The following DMPK variants were observed in gnomAD, a reference collection of about 807,000 sequenced individuals.
DMPK encodes DM1 protein kinase.
Under a neutral mutation model 70.3 loss-of-function variants are expected in DMPK, and 32 were observed. That is an observed-to-expected ratio of 0.46 (90% CI 0.34 to 0.61). DMPK has a LOEUF of 0.61. Among genes scored for constraint, DMPK ranks in the 20% least tolerant of loss-of-function variants. DMPK has a pLI of 0.01. For missense variants in DMPK, 899 were observed against 886.0 expected, an observed-to-expected ratio of 1.01 and a Z score of -0.19; for synonymous variants, 469 against 390.9, an observed-to-expected ratio of 1.20 and a Z score of -2.36.
In DMPK at chr19:45,779,236, T is replaced by C. The variant is rs766435666; in HGVS notation, c.432+28A>G. ...GTGACAGCACGGGCTCTTGTCCCTC[T>C]TCCTAGTCACCCCGGCCCGGAGCTC... On this transcript the variant is annotated intron_variant, in intron 4 of 14. Coordinates refer to ENST00000291270, the MANE Select transcript of DMPK (RefSeq NM_004409.5). The C allele has an allele frequency of 3.7e-6, 6 of 1,609,746 alleles. No individual in the cohort carries two copies. In the East Asian group the frequency reaches 8.9e-5, roughly 24 times the overall value.
At chr19:45,779,165 G>A in intron 4 of DMPK, 99 bp downstream of exon 4, 2 of 1,250,240 alleles carry the variant, frequency 1.6e-6, no homozygotes. Context: ...ACGTTTCCGG[G>A]CAGCACCCCC....
rs1250540145 is a variant in DMPK at position 45,771,908 on chromosome 19, C to T, written c.1365G>A (p.Ala455=). 3 of 1,595,876 alleles carry T rather than the reference C, an allele frequency of 1.9e-6. No homozygotes were observed. The highest frequency in any genetic ancestry group is 3.4e-5 in the Admixed American group (2 of 58,166). The change falls in exon 11 of 15, where the codon GCG becomes GCA. Residue 455 remains alanine, a synonymous_variant. Transcript: ENST00000291270. ...QDETAEVAVP[A]AVPAAEAEAE... is the part of the protein sequence containing the mutation. ...CCTCAGCCTCTGCCGCAGGGACAGC[C>T]GCTGGAACTGCCACTTCAGCCTGTG...
At chr19:45,779,723 C>G in intron 2 of DMPK, 55 bp downstream of exon 2, 3 of 1,346,748 alleles carry the variant, frequency 2.2e-6, no homozygotes, top group Middle Eastern at 2.8e-4. Flanking sequence ...CCCGCCCCAA[C>G]CCCTATGCCC....
intron 1 of DMPK, among the ~76,000 whole-genome samples, chr19:45,781,505 C>G (rs879470045): frequency 6.6e-6 from 1 of 151,360 alleles, no homozygotes; most frequent in Non-Finnish European, 1.5e-5. Context: ...CTGACCCACA[C>G]GGCTCATAGG....
chr19:45,772,552 G>A (rs1969526125), intron 10 of DMPK, 89 bp downstream of exon 10: 3 of 756,760 alleles, frequency 4.0e-6, no homozygotes, highest in Non-Finnish European at 6.3e-6. Context: ...GAAGTCCCTA[G>A]AGGGCTCTAC....
rs371791113 is a variant in DMPK at position 45,777,292 on chromosome 19, G to T, written c.1146+35C>A. The T allele has an allele frequency of 6.5e-7, 1 of 1,528,636 alleles. No individual in the cohort carries two copies. The highest frequency in any genetic ancestry group is 1.4e-5 in the African/African-American group (1 of 72,266). 94.7% of individuals were successfully genotyped at this position (1,528,636 alleles called of 1,614,324 possible). On this transcript the variant is annotated intron_variant, in intron 8 of 14. Transcript: ENST00000291270. The surrounding 1 kb of genome is among the most constrained non-coding windows in gnomAD (Gnocchi z 6.7). Reference sequence around the variant, plus strand: ...AACTTTATGGAGGGAGCATGGGGAGGTTCCCGCAGCCGAGCAGGGGCCACA... The same window carrying T: ...AACTTTATGGAGGGAGCATGGGGAGTTTCCCGCAGCCGAGCAGGGGCCACA...
At position 45,777,241 on chromosome 19, in the gene DMPK, C is replaced by T. The variant is rs1969820103; in HGVS notation, c.1146+86G>A. ...CTGGGGAATGAGTGATTCAGGACCC[C>T]AGAAGGTAGGCACTGTCCTTACTCC... On this transcript the variant is annotated intron_variant, in intron 8 of 14. Transcript: ENST00000291270. The surrounding 1 kb of genome is among the most constrained non-coding windows in gnomAD (Gnocchi z 6.7). 2 of 1,449,206 alleles carry T rather than the reference C, an allele frequency of 1.4e-6. No homozygotes were observed. Among genetic ancestry groups the T allele is most frequent in the African/African-American group, 2.9e-5 (2 of 69,888 alleles). 89.8% of individuals were successfully genotyped at this position (1,449,206 alleles called of 1,614,324 possible). A position where few individuals can be genotyped will look rare whatever the true frequency, so the allele number is the denominator to read the frequency against.
intron 1 of DMPK, chr19:45,780,326 T>C (rs1472441950): frequency 6.4e-7 from 1 of 1,553,488 alleles, no homozygotes; most frequent in Middle Eastern, 1.7e-4. Flanking sequence ...CCAGTACCTC[T>C]AGATTCAGAT....
In DMPK at chr19:45,782,299, G is replaced by T. The variant is rs766093732; in HGVS notation, c.54C>A (p.Gly18=). 61 of 1,594,786 alleles carry T rather than the reference G, an allele frequency of 3.8e-5. No individual in the cohort carries two copies. Among genetic ancestry groups the T allele is most frequent in the Non-Finnish European group, 5.1e-5 (60 of 1,171,840 alleles). Residue 18 remains glycine (G), a synonymous_variant, in exon 1 of 15, where the codon GGC becomes GGA. Transcript: ENST00000291270. ...CGAGCAGGGGCTCCAGCCCCAGGAAGCCCGGGTCCAACACCAGCTGCTGGA... is the reference window on the plus strand; with the variant it reads ...CGAGCAGGGGCTCCAGCCCCAGGAATCCCGGGTCCAACACCAGCTGCTGGA... The part of the protein sequence containing the change: ...RRLQQLVLDP[G]FLGLEPLLDL...
rs538150543 is a variant in DMPK at position 45,770,117 on chromosome 19, C to T, written c.*371G>A. 8.0e-6 allele frequency: 5 copies of T among 623,174 alleles called. No individual in the cohort carries two copies. In the East Asian group the frequency reaches 1.6e-4, roughly 20 times the overall value. The allele number at this position is 623,174 out of a possible 1,614,324, so 38.6% of individuals were successfully genotyped here. On this transcript the variant is annotated 3_prime_UTR_variant, in exon 15 of 15. Transcript: ENST00000291270. Reference sequence around the variant, plus strand: ...CGTGGAGGATGGAACACGGACGGCCCGGCTTGCTGCCTTCCCAGGCCTGCA... The same window carrying T: ...CGTGGAGGATGGAACACGGACGGCCTGGCTTGCTGCCTTCCCAGGCCTGCA...
At chr19:45,781,451 G>A (rs1340170459) in intron 1 of DMPK, among the ~76,000 whole-genome samples, 1 of 151,896 alleles carries the variant, frequency 6.6e-6, no homozygotes, top group Non-Finnish European at 1.5e-5. Context: ...CCCTGGGCCA[G>A]GAGAACTAAA....
chr19:45,776,499 C>T (rs138809535), intron 8 of DMPK, among the ~76,000 whole-genome samples: 1,729 of 147,466 alleles, frequency 0.012, 17 homozygotes, highest in Non-Finnish European at 0.017. Context: ...AGTCTCTCTC[C>T]GTTGCCCAGG....
rs554723850 is a variant in DMPK, at chr19:45,771,813, C to A, written c.1460G>T (p.Arg487Leu). The change falls in exon 11 of 15, where the codon CGG becomes CTG. Residue 487 changes from arginine (R) to leucine (L), a missense_variant. Coordinates refer to ENST00000291270, the MANE Select transcript of DMPK (RefSeq NM_004409.5). ...EEVLTRQSLS[R>L]EMEAIRTDNQ... is the part of the protein sequence containing the mutation. ...GTCCGTGCGGATGGCCTCCATCTCC[C>A]GGCTCAGGCTCTGCCGGGTGAGCAC... 447 of 1,569,260 alleles carry A rather than the reference C, an allele frequency of 2.8e-4. 3 individuals carry two copies. The South Asian group carries it at 5.1e-3, about 18-fold the overall frequency.
rs1006694091 is a variant in DMPK at position 45,770,046 on chromosome 19, G to A, written c.*442C>T. The A allele has an allele frequency of 4.6e-6, 2 of 438,892 alleles. No homozygotes were observed. The highest frequency in any genetic ancestry group is 6.5e-5 in the Admixed American group (2 of 30,796). The allele number at this position is 438,892 out of a possible 1,614,324, so 27.2% of individuals were successfully genotyped here. On this transcript the variant is annotated 3_prime_UTR_variant, in exon 15 of 15. Coordinates refer to ENST00000291270, the MANE Select transcript of DMPK (RefSeq NM_004409.5). ...GACGCTCCCCAGAGCAGGGCGTCAT[G>A]CACAAGAAAGCTTTGCACTTTGCGA...
chr19:45,772,655 G>A lies in DMPK; in HGVS notation c.1330C>T (p.Pro444Ser), dbSNP rs1415999174. The A allele has an allele frequency of 1.9e-6, 3 of 1,541,050 alleles. No homozygotes were observed. The highest frequency in any genetic ancestry group is 2.5e-5 in the South Asian group (2 of 78,862). The change falls in exon 10 of 15, where the codon CCA (proline) becomes TCA (serine). Residue 444 changes from proline to serine, a missense_variant. Physicochemically the swap from Pro to Ser is moderately conservative, Grantham distance 74. Coordinates refer to ENST00000291270, the MANE Select transcript of DMPK (RefSeq NM_004409.5). ...CACCAACTTACTGTTTCATCCTGTGGGGACACCGAGGGCTCCAGGCTGGGC... is the reference window on the plus strand; with the variant it reads ...CACCAACTTACTGTTTCATCCTGTGAGGACACCGAGGGCTCCAGGCTGGGC... ...QAPSLEPSVS[P>S]QDETAEVAVP...
chr19:45,780,638 C>T (rs1970060808), intron 1 of DMPK: 6 of 994,122 alleles, frequency 6.0e-6, no homozygotes, highest in African/African-American at 1.8e-5. Flanking sequence ...CCTGGACTCC[C>T]GGGGGTGGAA....
intron 2 of DMPK, 58 bp from the exon 3 acceptor site, chr19:45,779,580 A>G: frequency 1.2e-6 from 2 of 1,604,862 alleles, no homozygotes; most frequent in Non-Finnish European, 1.7e-6. Flanking sequence ...GGGCTCGCCC[A>G]GACCCAACTC....
intron 4 of DMPK, chr19:45,779,041 A>G (rs1969951900): frequency 1.7e-6 from 1 of 601,542 alleles, no homozygotes; most frequent in East Asian, 2.8e-5. Context: ...TCTTTATAAG[A>G]GTCCCCCAGA....
rs1970004454 is a variant in DMPK, at chr19:45,779,623, CCACCT to C, written c.253-106_253-102del. 11 of 1,562,658 alleles carry C rather than the reference CCACCT, an allele frequency of 7.0e-6. No homozygotes were observed. In the South Asian group the frequency reaches 1.3e-4, roughly 18 times the overall value. ...TTCTGCACCCAGCCGTGGCCCCGCCCCACCTGCCACACCACGCCCATTGGTCCCAA... is the reference window on the plus strand; with the variant it reads ...TTCTGCACCCAGCCGTGGCCCCGCCCGCCACACCACGCCCATTGGTCCCAA... On this transcript the variant is annotated intron_variant, in intron 2 of 14. Transcript: ENST00000291270.
Sources: gnomAD v4.1 joint callset for allele counts (sites outside exome capture counted in the v4.1 genomes callset) on GRCh38, gnomAD v4.1.1 for gene constraint, Gnocchi (gnomAD v3.1) non-coding constraint, MANE v1.5 for transcripts, NCBI Gene and HGNC (gene_info 2026-07-23, HGNC 2026-07-21) for gene names.